Variants in DPYSL3 observed in about 807,000 individuals in gnomAD.
The protein encoded by DPYSL3 is dihydropyrimidinase-related protein 3.
A neutral mutation model predicts 66.1 loss-of-function variants in DPYSL3; 16 were observed. The observed-to-expected ratio is 0.24, with a 90% CI of 0.16 to 0.37. The LOEUF is 0.37. DPYSL3 is among the 10% of genes least tolerant of loss of function. DPYSL3 has a pLI of 1.00. For synonymous variants in DPYSL3, 338 were observed against 345.1 expected (o/e 0.98, Z 0.23); for missense variants, 738 against 916.2 (o/e 0.81, Z 2.51).
chr5:147,478,202 A>T (rs1191955858), intron 1 of DPYSL3, among the ~76,000 whole-genome samples: 1 of 152,192 alleles, frequency 6.6e-6, no homozygotes, highest in Non-Finnish European at 1.5e-5. Flanking sequence ...TTCTTAATAC[A>T]CACTCTGACA....
At chr5:147,463,446 A>T (rs1752964432) in intron 1 of DPYSL3, among the ~76,000 whole-genome samples, 1 of 152,186 alleles carries the variant, frequency 6.6e-6, no homozygotes, top group Non-Finnish European at 1.5e-5. Context: ...AAGGGGAAAG[A>T]TTAAAAGATC....
In DPYSL3 at chr5:147,394,105, C is replaced by T. The variant is rs1757897583; in HGVS notation, c.1985G>A (p.Gly662Glu). 1.2e-6 allele frequency: 2 copies of T among 1,614,018 alleles called. No homozygotes were observed. Among genetic ancestry groups the T allele is most frequent in the African/African-American group, 1.3e-5 (1 of 74,930 alleles). The change falls in exon 14 of 14, where the codon GGG becomes GAG. Residue 662 changes from glycine (G) to glutamate (E), a missense_variant. Physicochemically the swap from Gly to Glu is moderately conservative, Grantham distance 98 (BLOSUM62 -2). Coordinates refer to ENST00000343218, the MANE Select transcript of DPYSL3 (RefSeq NM_001197294.2). ...FSLSGTQVDEGVRSASKRIVA... is the reference protein window; with the variant it reads ...FSLSGTQVDEEVRSASKRIVA... ...GATGCGCTTGCTGGCTGAGCGAACC[C>T]CCTCATCCACTTGGGTGCCTACAGT...
intron 5 of DPYSL3, among the ~76,000 whole-genome samples, 169 bp from the exon 6 acceptor site, chr5:147,412,857 A>G (rs1387319174): frequency 6.6e-6 from 1 of 152,184 alleles, no homozygotes; most frequent in African/African-American, 2.4e-5. Flanking sequence ...TGCTAGTCCA[A>G]AGAAATCCCA....
At chr5:147,476,948 A>G (rs1473714895) in intron 1 of DPYSL3, among the ~76,000 whole-genome samples, 1 of 152,180 alleles carries the variant, frequency 6.6e-6, no homozygotes, top group Non-Finnish European at 1.5e-5. Context: ...TCTTTCAGAA[A>G]AAGCACCAAC....
intron 1 of DPYSL3, among the ~76,000 whole-genome samples, chr5:147,482,226 A>G (rs1753258346): frequency 6.6e-6 from 1 of 152,204 alleles, no homozygotes; most frequent in Non-Finnish European, 1.5e-5. Context: ...TACACGATAA[A>G]CAATAGCTAT....
At chr5:147,397,885 G>T (rs11281532) in intron 11 of DPYSL3, 40 bp from the exon 12 acceptor site, 402 of 580,540 alleles carry the variant, frequency 6.9e-4, no homozygotes, top group Admixed American at 4.4e-3. Context: ...AGTAAGGGTA[G>T]AGAAAGAGGA....
chr5:147,398,596 C>T (rs1278622130), intron 11 of DPYSL3, among the ~76,000 whole-genome samples: 1 of 152,192 alleles, frequency 6.6e-6, no homozygotes, highest in African/African-American at 2.4e-5. Flanking sequence ...TATCATCCTC[C>T]ATGTGAAACT....
intron 1 of DPYSL3, among the ~76,000 whole-genome samples, chr5:147,427,590 G>A (rs1752220707): frequency 6.6e-6 from 1 of 152,160 alleles, no homozygotes; most frequent in African/African-American, 2.4e-5. Context: ...CCAAACTAGT[G>A]TGTACACATT....
intron 7 of DPYSL3, 23 bp from the exon 8 acceptor site, chr5:147,405,753 G>C (rs201466771): frequency 6.2e-7 from 1 of 1,601,660 alleles, no homozygotes; most frequent in African/African-American, 1.3e-5. Context: ...GTCTCCAGGA[G>C]TCAATAGAAA....
At chr5:147,479,976 T>C (rs1393408713) in intron 1 of DPYSL3, among the ~76,000 whole-genome samples, 1 of 152,208 alleles carries the variant, frequency 6.6e-6, no homozygotes, top group Non-Finnish European at 1.5e-5. Flanking sequence ...GCACAGCAAT[T>C]ATTCCTGTTA....
intron 1 of DPYSL3, among the ~76,000 whole-genome samples, chr5:147,434,563 T>C (rs1752381214): frequency 6.6e-6 from 1 of 152,204 alleles, no homozygotes; most frequent in Non-Finnish European, 1.5e-5. Context: ...AATTCATTCC[T>C]GAAACATATG....
chr5:147,417,647 G>A (rs1751996167), intron 3 of DPYSL3, among the ~76,000 whole-genome samples: 1 of 152,168 alleles, frequency 6.6e-6, no homozygotes, highest in Non-Finnish European at 1.5e-5. Flanking sequence ...AATTCATCAG[G>A]ATTCCTTTGG....
At chr5:147,440,733 C>G (rs982890569) in intron 1 of DPYSL3, among the ~76,000 whole-genome samples, 1 of 152,160 alleles carries the variant, frequency 6.6e-6, no homozygotes, top group South Asian at 2.1e-4. Context: ...TAAGTGGATT[C>G]CAGGTCACTG....
chr5:147,501,604 A>T (rs924187896), intron 1 of DPYSL3, among the ~76,000 whole-genome samples: 2 of 149,618 alleles, frequency 1.3e-5, no homozygotes, highest in African/African-American at 4.9e-5. Context: ...CTCACCTCCC[A>T]AGTAATTGGA....
At chr5:147,475,289 C>T (rs761649772) in intron 1 of DPYSL3, among the ~76,000 whole-genome samples, 64 of 152,090 alleles carry the variant, frequency 4.2e-4, no homozygotes, top group Non-Finnish European at 8.5e-4. Flanking sequence ...GTTTTAATAT[C>T]ATATTGCTGT....
At chr5:147,433,945 G>A (rs148840905) in intron 1 of DPYSL3, among the ~76,000 whole-genome samples, 7 of 151,266 alleles carry the variant, frequency 4.6e-5, no homozygotes, top group Admixed American at 3.9e-4. Flanking sequence ...CAGGAGAATC[G>A]CTTGAACCAG....
At chr5:147,394,529 T>C (rs1197491325) in intron 13 of DPYSL3, among the ~76,000 whole-genome samples, 1 of 152,172 alleles carries the variant, frequency 6.6e-6, no homozygotes, top group African/African-American at 2.4e-5. Flanking sequence ...TTCTGAAAGG[T>C]TAGGTCACTT....
chr5:147,509,584 C>A lies in DPYSL3; in HGVS notation c.275G>T (p.Arg92Leu). The change falls in exon 1 of 14, where the codon CGG becomes CTG. Residue 92 changes from arginine (R) to leucine (L), a missense_variant. Physicochemically the swap from Arg to Leu is moderately radical, Grantham distance 102 (BLOSUM62 -2). Transcript: ENST00000343218. The surrounding 1 kb of genome is among the most constrained non-coding windows in gnomAD (Gnocchi z 5.3). ...EGDTPRRGQG[R>L]EESREPAPAS... The stretch of plus-strand genomic sequence containing the variant: ...GGGCGCGGGCTCCCTGCTCTCTTCC[C>A]GGCCTTGGCCCCTGCGCGGGGTGTC... The A allele has an allele frequency of 6.5e-7, 1 of 1,535,424 alleles. No individual in the cohort carries two copies. The highest frequency in any genetic ancestry group is 1.2e-5 in the South Asian group (1 of 83,992).
intron 1 of DPYSL3, among the ~76,000 whole-genome samples, chr5:147,469,440 C>T (rs916643926): frequency 6.6e-6 from 1 of 152,166 alleles, no homozygotes; most frequent in African/African-American, 2.4e-5. Context: ...TCAGTTTTCT[C>T]CTCTATAAAA....
Sources: allele counts gnomAD v4.1 joint callset (sites outside exome capture counted in the v4.1 genomes callset), GRCh38; gene constraint gnomAD v4.1.1; non-coding constraint Gnocchi (gnomAD v3.1); transcripts MANE v1.5; gene names NCBI Gene and HGNC (gene_info 2026-07-23, HGNC 2026-07-21).